The following CA6 variants were observed in gnomAD, a reference collection of about 807,000 sequenced individuals.
CA6 encodes the protein carbonic anhydrase 6, also known as carbonate dehydratase VI.
In CA6, 28 loss-of-function variants were observed where a neutral mutation model predicts 35.9. The observed-to-expected ratio is 0.78, with a 90% CI of 0.58 to 1.07. The LOEUF is 1.07. Ranked by LOEUF, CA6 falls within the 50% of genes least tolerant of loss-of-function variation. The pLI is 0.00. For synonymous variants in CA6, 148 were observed against 152.6 expected (o/e 0.97, Z 0.22); for missense variants, 377 against 382.0 (o/e 0.99, Z 0.11).
At chr1:8,951,675 C>A in intron 2 of CA6, 1 of 764,960 alleles carries the variant, frequency 1.3e-6, no homozygotes, top group South Asian at 1.3e-5. Context: ...CTCCCAATTT[C>A]CAGAGGACCC....
chr1:8,966,251 A>G lies in CA6; in HGVS notation c.572-1408A>G, dbSNP rs192589170. On this transcript the variant is annotated intron_variant, in intron 5 of 7. Transcript: ENST00000377443. ...CAGCCTCCCGAGTAGCTGGGATTAC[A>G]GGCACGTGCCACCATGCCCAGCTAA... Among the ~76,000 whole-genome samples, 579 of 152,170 alleles carry G rather than the reference A, an allele frequency of 3.8e-3. 2 individuals are homozygous for G. The highest frequency in any genetic ancestry group is 0.013 in the African/African-American group (539 of 41,514).
In CA6 at chr1:8,973,725, T is replaced by TTTC. The variant is rs1491342800; in HGVS notation, c.845-894_845-892dup. 7.1e-4 allele frequency among the ~76,000 whole-genome samples: 11 copies of TTTC among 15,504 alleles called. 1 individual carries two copies. Among genetic ancestry groups the TTTC allele is most frequent in the African/African-American group, 4.6e-3 (11 of 2,396 alleles). 10.2% of individuals were successfully genotyped at this position (15,504 alleles called of 152,430 possible). On this transcript the variant is annotated intron_variant, in intron 7 of 7. Transcript: ENST00000377443. Reference sequence around the variant, plus strand: ...TTCTTTCTCTCTCTTTCTTTCTTTCTTTCTTTCTTTCTTTCTTTCTTTCTT... The same window carrying TTTC: ...TTCTTTCTCTCTCTTTCTTTCTTTCTTTCTTCTTTCTTTCTTTCTTTCTTTCTT...
At chr1:8,949,743 G>A (rs1368494132) in intron 2 of CA6, among the ~76,000 whole-genome samples, 2 of 152,140 alleles carry the variant, frequency 1.3e-5, no homozygotes, top group African/African-American at 2.4e-5. Context: ...AGGCCGTGCT[G>A]CTGAAGCCAC....
rs1389511031 is a variant in CA6, at chr1:8,957,219, G to T, written c.342G>T (p.Trp114Cys). Reference protein sequence around the residue: ...VYIAQQMHFHWGGASSEISGS... With the variant: ...VYIAQQMHFHCGGASSEISGS... ...TAGCCCAGCAGATGCACTTTCACTG[G>T]GGAGGTGCGTCCTCGGAGATCAGCG... The change falls in exon 3 of 8, where the codon TGG becomes TGT. Residue 114 changes from tryptophan to cysteine, a missense_variant. By Grantham distance (215) the Trp-to-Cys change is radical. Transcript: ENST00000377443. The T allele has an allele frequency of 3.7e-6, 6 of 1,614,074 alleles. No homozygotes were observed. The highest frequency in any genetic ancestry group is 3.3e-5 in the Admixed American group (2 of 60,020).
chr1:8,962,538 G>C, intron 4 of CA6, 49 bp from the exon 5 acceptor site: 1 of 1,459,942 alleles, frequency 6.8e-7, no homozygotes, highest in Non-Finnish European at 9.6e-7. Context: ...TAGCGATGGT[G>C]CTGGGGCCTC....
At chr1:8,955,138 G>T (rs1346665258) in intron 2 of CA6, among the ~76,000 whole-genome samples, 1 of 152,114 alleles carries the variant, frequency 6.6e-6, no homozygotes, top group Non-Finnish European at 1.5e-5. Flanking sequence ...ACTTTGAGAG[G>T]CCAAGGCAGG....
At chr1:8,971,699 C>CATTCTCTCAA (rs1224794857) in intron 7 of CA6, among the ~76,000 whole-genome samples, 1 of 152,196 alleles carries the variant, frequency 6.6e-6, no homozygotes, top group African/African-American at 2.4e-5. Context: ...GCCTCCTATA[C>CATTCTCTCAA]ATTCTCTCAA....
At chr1:8,974,111 C>G (rs1431332740) in intron 7 of CA6, among the ~76,000 whole-genome samples, 1 of 152,144 alleles carries the variant, frequency 6.6e-6, no homozygotes, top group Non-Finnish European at 1.5e-5. Context: ...AGGCATGAGC[C>G]ATCGCGCCTG....
At chr1:8,946,683 G>T (rs1218463290) in intron 1 of CA6, among the ~76,000 whole-genome samples, 1 of 152,026 alleles carries the variant, frequency 6.6e-6, no homozygotes, top group African/African-American at 2.4e-5. Context: ...AGGTGCTGTG[G>T]GGTTTGCGAG....
chr1:8,947,819 C>T (rs1265255222), intron 1 of CA6, among the ~76,000 whole-genome samples: 1 of 151,048 alleles, frequency 6.6e-6, no homozygotes, highest in East Asian at 1.9e-4. Flanking sequence ...GATTACAAAC[C>T]AAAAAGCGGT....
chr1:8,951,568 G>A (rs3765967), intron 2 of CA6: 82,123 of 764,948 alleles, frequency 0.11, 5,144 homozygotes, highest in East Asian at 0.2. Context: ...TATGGGCAAC[G>A]CTTGCTGAGT....
intron 2 of CA6, chr1:8,951,382 G>A: frequency 2.7e-6 from 2 of 739,930 alleles, no homozygotes; most frequent in East Asian, 2.4e-5. Context: ...TCATCATAAT[G>A]TCGAGCTCTT....
At chr1:8,968,183 C>T (rs1029915731) in intron 6 of CA6, among the ~76,000 whole-genome samples, 13 of 152,078 alleles carry the variant, frequency 8.5e-5, no homozygotes, top group Admixed American at 6.6e-5. Flanking sequence ...CCAGGCAGGT[C>T]TCAAACTCCC....
intron 1 of CA6, among the ~76,000 whole-genome samples, chr1:8,948,286 C>T (rs562696853): frequency 1.9e-4 from 29 of 152,258 alleles, no homozygotes; most frequent in South Asian, 8.3e-4. Flanking sequence ...ATGATAATCA[C>T]TCACCTATGT....
chr1:8,945,940 G>A lies in CA6; in HGVS notation c.54G>A (p.Gln18=), dbSNP rs528077302. The A allele has an allele frequency of 1.2e-6, 2 of 1,613,660 alleles. No homozygotes were observed. Among genetic ancestry groups the A allele is most frequent in the African/African-American group, 1.3e-5 (1 of 74,980 alleles). The change falls in exon 1 of 8, where the codon CAG becomes CAA. Residue 18 remains glutamine, a synonymous_variant. Coordinates refer to ENST00000377443, the MANE Select transcript of CA6 (RefSeq NM_001215.4). ...TGTTCCTGCTGGGTGGCCAGGCCCA[G>A]CATGTGTCTGACTGGACCTACTCAG... ...LSLFLLGGQA[Q]HVSDWTYSEG...
At position 8,972,478 on chromosome 1, in the gene CA6, T is replaced by C. The variant is rs537349911; in HGVS notation, c.844+1497T>C. On this transcript the variant is annotated intron_variant, in intron 7 of 7. Coordinates refer to ENST00000377443, the MANE Select transcript of CA6 (RefSeq NM_001215.4). Reference sequence around the variant, plus strand: ...ACGATGTCAGGAGATCGAGACCATCTTGGCTAACATGGTGAAACCCCGCCT... The same window carrying C: ...ACGATGTCAGGAGATCGAGACCATCCTGGCTAACATGGTGAAACCCCGCCT... Among the ~76,000 whole-genome samples, 4 of 152,200 alleles carry C rather than the reference T, an allele frequency of 2.6e-5. No homozygotes were observed. In the South Asian group the frequency reaches 8.3e-4, roughly 32 times the overall value.
intron 3 of CA6, among the ~76,000 whole-genome samples, chr1:8,958,253 C>T (rs1011115881): frequency 3.3e-5 from 5 of 152,048 alleles, no homozygotes; most frequent in Admixed American, 6.6e-5. Flanking sequence ...CTGCAACCTC[C>T]GTTCCCTGGG....
At chr1:8,955,563 T>C (rs1639652122) in intron 2 of CA6, among the ~76,000 whole-genome samples, 1 of 151,750 alleles carries the variant, frequency 6.6e-6, no homozygotes, top group Non-Finnish European at 1.5e-5. Flanking sequence ...TAGGGAGCTC[T>C]GCTCGGGTCC....
intron 2 of CA6, chr1:8,952,741 C>T (rs1639572507): frequency 6.6e-6 from 1 of 152,272 alleles, no homozygotes; most frequent in Non-Finnish European, 1.5e-5. Context: ...ACTGCAACCT[C>T]CGCCTCCCGG....
Sources: gnomAD v4.1 joint callset for allele counts (sites outside exome capture counted in the v4.1 genomes callset) on GRCh38, gnomAD v4.1.1 for gene constraint, MANE v1.5 for transcripts, NCBI Gene and HGNC (gene_info 2026-07-23, HGNC 2026-07-21) for gene names.